Variants in SLC27A1 observed in about 807,000 individuals in gnomAD.
The protein encoded by SLC27A1 is long-chain fatty acid transport protein 1.
A neutral mutation model predicts 62.2 loss-of-function variants in SLC27A1; 61 were observed. The ratio of observed to expected loss-of-function variants is 0.98; its 90% CI spans 0.80 to 1.21. The LOEUF (loss-of-function observed/expected upper bound fraction) is 1.21. Ranked by LOEUF, SLC27A1 falls within the 50% of genes most tolerant of loss-of-function variation. The pLI, the probability that SLC27A1 is intolerant of heterozygous loss-of-function variation, is 0.00. For synonymous variants in SLC27A1, 435 were observed against 408.6 expected (o/e 1.06, Z -0.78); for missense variants, 903 against 932.1 (o/e 0.97, Z 0.41).
chr19:17,484,725 G>A (rs1460859028), intron 1 of SLC27A1, among the ~76,000 whole-genome samples: 1 of 152,106 alleles, frequency 6.6e-6, no homozygotes, highest in Non-Finnish European at 1.5e-5. Flanking sequence ...AATGAAAGAG[G>A]GAAAGAACGA....
chr19:17,498,600 G>A (rs1045732932), intron 7 of SLC27A1: 77 of 205,674 alleles, frequency 3.7e-4, no homozygotes, highest in African/African-American at 1.7e-3. Flanking sequence ...GTGCGGAGAC[G>A]AGAGATTGTA....
chr19:17,475,172 C>G (rs779839449), intron 1 of SLC27A1, among the ~76,000 whole-genome samples: 1 of 152,218 alleles, frequency 6.6e-6, no homozygotes, highest in Non-Finnish European at 1.5e-5. Context: ...GCCTTGGCCT[C>G]CCAGAATGCT....
chr19:17,472,060 C>A (rs2056846936), intron 1 of SLC27A1, among the ~76,000 whole-genome samples: 1 of 152,188 alleles, frequency 6.6e-6, no homozygotes, highest in South Asian at 2.1e-4. Context: ...CTGAATTTTC[C>A]TGCTCAGCAC....
Position 17,487,502 on chromosome 19 carries a change from C to T in SLC27A1, c.767C>T (p.Pro256Leu), listed in dbSNP as rs753007267. 1.9e-6 allele frequency: 3 copies of T among 1,611,644 alleles called. No homozygotes were observed. Among genetic ancestry groups the T allele is most frequent in the Non-Finnish European group, 2.5e-6 (3 of 1,179,866 alleles). ...TACACGTCGGGGACCACCGGGCTGC[C>T]CAAGGCTGCCATTGTCGTGCACAGC... ...YIYTSGTTGL[P>L]KAAIVVHSRY... is the part of the protein sequence containing the mutation. Residue 256 changes from proline to leucine, a missense_variant, in exon 4 of 12, where the codon CCC becomes CTC. By Grantham distance (98) the Pro-to-Leu change is moderately conservative (BLOSUM62 -3). Coordinates refer to ENST00000252595, the MANE Select transcript of SLC27A1 (RefSeq NM_198580.3).
rs115326458 is a variant in SLC27A1, at chr19:17,495,164, G to A, written c.997-2091G>A. Reference sequence around the variant, plus strand: ...AATTTTCTTGTATTTTTGTAGAGATGAGGTATTACTACATTGGCTAGGCTG... The same window carrying A: ...AATTTTCTTGTATTTTTGTAGAGATAAGGTATTACTACATTGGCTAGGCTG... On this transcript the variant is annotated intron_variant, in intron 6 of 11. Transcript: ENST00000252595. Among the ~76,000 whole-genome samples, 534 of 151,754 alleles carry A rather than the reference G, an allele frequency of 3.5e-3. 4 individuals carry two copies. Among genetic ancestry groups the A allele is most frequent in the Middle Eastern group, 0.017 (5 of 294 alleles).
rs373412967 is a variant in SLC27A1, at chr19:17,504,614, G to A, written c.*2G>A. 1.1e-5 allele frequency: 17 copies of A among 1,613,974 alleles called. No homozygotes were observed. Among genetic ancestry groups the A allele is most frequent in the Non-Finnish European group, 8.5e-6 (10 of 1,180,040 alleles). On this transcript the variant is annotated 3_prime_UTR_variant, in exon 12 of 12. Transcript: ENST00000252595. ...TGCTCGGGCGCCTTCGCCCTCTGAA[G>A]CTGTTCCTCTACTGGCCACAAACTC...
intron 1 of SLC27A1, among the ~76,000 whole-genome samples, chr19:17,482,289 C>G (rs2075186279): frequency 6.6e-6 from 1 of 152,156 alleles, no homozygotes; most frequent in Non-Finnish European, 1.5e-5. Flanking sequence ...CGGGGTGAGG[C>G]AGGCGGATCA....
intron 1 of SLC27A1, among the ~76,000 whole-genome samples, chr19:17,476,783 C>T (rs902243685): frequency 1.3e-5 from 2 of 151,562 alleles, no homozygotes; most frequent in African/African-American, 4.8e-5. Context: ...CATTATTTGA[C>T]AAATGGGGAT....
rs1282917098 is a variant in SLC27A1, at chr19:17,486,634, G to A, written c.239G>A (p.Arg80His). 1 of 1,602,230 alleles carries A rather than the reference G, an allele frequency of 6.2e-7. No homozygotes were observed. The highest frequency in any genetic ancestry group is 1.1e-5 in the South Asian group (1 of 90,496). Reference sequence around the variant, plus strand: ...CAGCGTGCCGGCCACACCATCCCGCGCATCTTTCAGGCGGTAGTGCAGCGA... The same window carrying A: ...CAGCGTGCCGGCCACACCATCCCGCACATCTTTCAGGCGGTAGTGCAGCGA... ...RHQRAGHTIP[R>H]IFQAVVQRQP... The change falls in exon 2 of 12, where the codon CGC becomes CAC. Residue 80 changes from arginine (R) to histidine (H), a missense_variant. Coordinates refer to ENST00000252595, the MANE Select transcript of SLC27A1 (RefSeq NM_198580.3). The surrounding 1 kb of genome is among the most constrained non-coding windows in gnomAD (Gnocchi z 6.6).
At chr19:17,482,095 T>C (rs2075184007) in intron 1 of SLC27A1, among the ~76,000 whole-genome samples, 1 of 152,190 alleles carries the variant, frequency 6.6e-6, no homozygotes, top group Non-Finnish European at 1.5e-5. Flanking sequence ...AGCTGGGTCT[T>C]GGGCGGTCTC....
chr19:17,491,030 C>CAAA (rs34124442), intron 6 of SLC27A1: 27,241 of 89,032 alleles, frequency 0.31, 4,776 homozygotes, highest in South Asian at 0.39. Flanking sequence ...GACTCCATCT[C>CAAA]AAAAAAAAAA....
At chr19:17,501,612 G>A (rs936906383) in intron 11 of SLC27A1, among the ~76,000 whole-genome samples, 193 bp downstream of exon 11, 4 of 151,612 alleles carry the variant, frequency 2.6e-5, no homozygotes, top group Non-Finnish European at 5.9e-5. Context: ...GAGCATCCCG[G>A]CTAACACAGT....
intron 11 of SLC27A1, among the ~76,000 whole-genome samples, chr19:17,504,158 C>A (rs2075448719): frequency 6.6e-6 from 1 of 152,178 alleles, no homozygotes; most frequent in East Asian, 1.9e-4. Context: ...TTGCTAAACT[C>A]TTATTCACTG....
At chr19:17,501,208 GTATC>G (rs1370614949) in intron 10 of SLC27A1, 61 bp from the exon 11 acceptor site, 9 of 1,586,528 alleles carry the variant, frequency 5.7e-6, no homozygotes, top group Non-Finnish European at 7.7e-6. Flanking sequence ...GCTTGACAGT[GTATC>G]TGGTCCTGCT....
intron 7 of SLC27A1, 134 bp downstream of exon 7, chr19:17,497,598 G>A (rs1214054350): frequency 1.3e-6 from 1 of 781,984 alleles, no homozygotes; most frequent in Non-Finnish European, 2.1e-6. Flanking sequence ...ACGCAGGGCG[G>A]GGTGTAAGGG....
chr19:17,486,452 C>G lies in SLC27A1; in HGVS notation c.168-111C>G, dbSNP rs74751655. On this transcript the variant is annotated intron_variant, in intron 1 of 11. Coordinates refer to ENST00000252595, the MANE Select transcript of SLC27A1 (RefSeq NM_198580.3). This position sits in a 1 kb window ranked among gnomAD's most constrained non-coding sequence, Gnocchi z 6.6. Reference sequence around the variant, plus strand: ...AGCCACCAAAAGTTTCACCATAGACCTCATCAAAGCCCCTGGCTGCCCTGG... The same window carrying G: ...AGCCACCAAAAGTTTCACCATAGACGTCATCAAAGCCCCTGGCTGCCCTGG... 750 of 1,303,588 alleles carry G rather than the reference C, an allele frequency of 5.8e-4. 6 individuals carry two copies. The African/African-American group carries it at 9.8e-3, about 17-fold the overall frequency. The allele number at this position is 1,303,588 out of a possible 1,614,324, so 80.8% of individuals were successfully genotyped here. A position where few individuals can be genotyped will look rare whatever the true frequency, so the allele number is the denominator to read the frequency against.
At chr19:17,487,578 G>C in intron 4 of SLC27A1, 49 bp downstream of exon 4, 1 of 1,579,708 alleles carries the variant, frequency 6.3e-7, no homozygotes, top group Non-Finnish European at 8.6e-7. Context: ...AGTGACCCAG[G>C]CTATCTTGCC....
rs2075474600 is a variant in SLC27A1 at position 17,505,872 on chromosome 19, C to T, written c.*1260C>T. 1 of 152,640 alleles carries T rather than the reference C, an allele frequency of 6.6e-6. No individual in the cohort carries two copies. Among genetic ancestry groups the T allele is most frequent in the South Asian group, 2.1e-4 (1 of 4,842 alleles). 9.5% of individuals were successfully genotyped at this position (152,640 alleles called of 1,614,324 possible). A position where few individuals can be genotyped will look rare whatever the true frequency, so the allele number is the denominator to read the frequency against. On this transcript the variant is annotated 3_prime_UTR_variant, in exon 12 of 12. Transcript: ENST00000252595. ...TATACCCCACCTGGTGGTGGCCCCTCCGATGTCCCCACTGATGGCTCTGAC... is the reference window on the plus strand; with the variant it reads ...TATACCCCACCTGGTGGTGGCCCCTTCGATGTCCCCACTGATGGCTCTGAC...
chr19:17,475,514 G>A (rs2075114075), intron 1 of SLC27A1, among the ~76,000 whole-genome samples: 1 of 152,130 alleles, frequency 6.6e-6, no homozygotes, highest in Non-Finnish European at 1.5e-5. Flanking sequence ...CAGCCTGGGT[G>A]AGGGAGCAAG....
Sources: allele counts gnomAD v4.1 joint callset (sites outside exome capture counted in the v4.1 genomes callset), GRCh38; gene constraint gnomAD v4.1.1; non-coding constraint Gnocchi (gnomAD v3.1); transcripts MANE v1.5; gene names NCBI Gene and HGNC (gene_info 2026-07-23, HGNC 2026-07-21).